Variants in WNT2B observed in about 807,000 individuals in gnomAD.
WNT2B encodes the protein protein Wnt-2b.
Under a neutral mutation model 40.5 loss-of-function variants are expected in WNT2B, and 19 were observed. The observed-to-expected ratio is 0.47, with a 90% CI of 0.33 to 0.69. The LOEUF (loss-of-function observed/expected upper bound fraction) is 0.69. WNT2B is among the 30% of genes least tolerant of loss of function. The probability of loss-of-function intolerance (pLI) is 0.02; values close to 1 mark genes in which losing one functional copy is unlikely to be tolerated. For missense variants in WNT2B, 467 were observed against 556.4 expected, an observed-to-expected ratio of 0.84 and a Z score of 1.62; for synonymous variants, 220 against 211.9, an observed-to-expected ratio of 1.04 and a Z score of -0.33.
At chr1:112,482,525 G>T (rs769202954) in intron 1 of WNT2B, among the ~76,000 whole-genome samples, 24 of 151,948 alleles carry the variant, frequency 1.6e-4, no homozygotes, top group Admixed American at 5.9e-4. Flanking sequence ...TAAAGACAGG[G>T]TCTTGCTATG....
At position 112,515,237 on chromosome 1, in the gene WNT2B, A is replaced by G. The variant is rs1652485068; in HGVS notation, c.403+143A>G. 2 of 1,022,192 alleles carry G rather than the reference A, an allele frequency of 2.0e-6. No individual in the cohort carries two copies. The highest frequency in any genetic ancestry group is 2.8e-6 in the Non-Finnish European group (2 of 704,252). The allele number at this position is 1,022,192 out of a possible 1,614,324, so 63.3% of individuals were successfully genotyped here. On this transcript the variant is annotated intron_variant, in intron 2 of 4. Coordinates refer to ENST00000369684, the MANE Select transcript of WNT2B (RefSeq NM_024494.3). This position sits in a 1 kb window ranked among gnomAD's most constrained non-coding sequence, Gnocchi z 4.4. ...AAGAACTGTGGGCAGAGCCCAGGAT[A>G]TAATTGGGAACAGACTCTTAGCATC... is the stretch of plus-strand genomic sequence containing the variant.
chr1:112,468,881 G>A (rs907797981), intron 1 of WNT2B, among the ~76,000 whole-genome samples: 2 of 152,078 alleles, frequency 1.3e-5, no homozygotes, highest in Admixed American at 6.5e-5. Context: ...TCTTTGCCTA[G>A]ACCAATGCCC....
At chr1:112,487,044 A>G (rs1570770959) in intron 1 of WNT2B, among the ~76,000 whole-genome samples, 1 of 152,348 alleles carries the variant, frequency 6.6e-6, no homozygotes, top group East Asian at 1.9e-4. Context: ...TTTACATGTC[A>G]AAGCCAAAAA....
At position 112,525,335 on chromosome 1, in the gene WNT2B, GA is replaced by G. The variant is rs1335762981; in HGVS notation, c.*4828del. On this transcript the variant is annotated 3_prime_UTR_variant, in exon 5 of 5. Transcript: ENST00000369684. ...GTAAATATATCACAGTTGCTACAGT[GA>G]ATTGAGCTTTCTCAGAAGCTATTAT... 6.6e-6 allele frequency: 1 copy of G among 152,268 alleles called. No individual in the cohort carries two copies. Among genetic ancestry groups the G allele is most frequent in the African/African-American group, 2.4e-5 (1 of 41,446 alleles). 9.4% of individuals were successfully genotyped at this position (152,268 alleles called of 1,614,324 possible). A position where few individuals can be genotyped will look rare whatever the true frequency, so the allele number is the denominator to read the frequency against.
chr1:112,470,108 A>T (rs998494094), intron 1 of WNT2B, among the ~76,000 whole-genome samples: 1 of 152,172 alleles, frequency 6.6e-6, no homozygotes, highest in Admixed American at 6.5e-5. Flanking sequence ...TGATTGCTCA[A>T]TGACCTTTTC....
chr1:112,500,033 G>A (rs1173263009), intron 1 of WNT2B, among the ~76,000 whole-genome samples: 1 of 152,196 alleles, frequency 6.6e-6, no homozygotes, highest in Non-Finnish European at 1.5e-5. Flanking sequence ...AAAAAAGCGA[G>A]GGTATGACGA....
At chr1:112,477,227 G>A (rs1570762594) in intron 1 of WNT2B, among the ~76,000 whole-genome samples, 1 of 152,142 alleles carries the variant, frequency 6.6e-6, no homozygotes, top group Non-Finnish European at 1.5e-5. Context: ...GGCTGCTGAG[G>A]GCCTCCAGAG....
intron 1 of WNT2B, among the ~76,000 whole-genome samples, chr1:112,502,223 C>T (rs1019811594): frequency 1.3e-5 from 2 of 152,178 alleles, no homozygotes; most frequent in African/African-American, 4.8e-5. Context: ...AGCCACCGGG[C>T]TCTCCTCTCA....
Position 112,515,072 on chromosome 1 carries a change from C to A in WNT2B, c.381C>A (p.Val127=). 1 of 1,614,200 alleles carries A rather than the reference C, an allele frequency of 6.2e-7. No individual in the cohort carries two copies. Among genetic ancestry groups the A allele is most frequent in the Non-Finnish European group, 8.5e-7 (1 of 1,180,022 alleles). ...CCACCCTGGACCGGGACCACACCGT[C>A]TTTGGCCGTGTCATGCTCAGAAGTA... The part of the protein sequence containing the change: ...NCTTLDRDHT[V]FGRVMLRSSR... The change falls in exon 2 of 5, where the codon GTC becomes GTA. Residue 127 remains valine (V), a synonymous_variant. Coordinates refer to ENST00000369684, the MANE Select transcript of WNT2B (RefSeq NM_024494.3). This position sits in a 1 kb window ranked among gnomAD's most constrained non-coding sequence, Gnocchi z 4.4.
In WNT2B at chr1:112,517,307, G is replaced by A; in HGVS notation, c.868G>A (p.Gly290Ser). Residue 290 changes from glycine to serine, a missense_variant, in exon 4 of 5, where the codon GGC becomes AGC. By Grantham distance (56) the Gly-to-Ser change is moderately conservative. Transcript: ENST00000369684. ...DGANFTAARQ[G>S]YRRATRTDLV... ...TGCCAACTTCACCGCAGCCCGCCAAGGCTATCGCCGTGCCACCCGGACTGA... is the reference window on the plus strand; with the variant it reads ...TGCCAACTTCACCGCAGCCCGCCAAAGCTATCGCCGTGCCACCCGGACTGA... 1.9e-6 allele frequency: 3 copies of A among 1,614,204 alleles called. No homozygotes were observed. Among genetic ancestry groups the A allele is most frequent in the Non-Finnish European group, 2.5e-6 (3 of 1,180,014 alleles).
rs200972987 is a variant in WNT2B at position 112,516,339 on chromosome 1, C to T, written c.603C>T (p.Ala201=). ...ACTACGGTGTCCGTTTTGCCAAGGC[C>T]TTCGTGGATGCCAAGGAGAAGAGGC... The part of the protein sequence containing the change: ...NIHYGVRFAK[A]FVDAKEKRLK... The change falls in exon 3 of 5, where the codon GCC becomes GCT. Residue 201 remains alanine (A), a synonymous_variant. Transcript: ENST00000369684. 4.1e-4 allele frequency: 659 copies of T among 1,613,898 alleles called. No homozygotes were observed. The highest frequency in any genetic ancestry group is 5.3e-4 in the Non-Finnish European group (628 of 1,180,024).
intron 3 of WNT2B, 68 bp downstream of exon 3, chr1:112,516,485 CTAAA>C (rs1311708708): frequency 1.3e-6 from 2 of 1,541,256 alleles, no homozygotes; most frequent in Non-Finnish European, 1.8e-6. Flanking sequence ...TGACCATGGA[CTAAA>C]TAAATGTGAA....
In WNT2B at chr1:112,515,496, G is replaced by A. The variant is rs987411039; in HGVS notation, c.403+402G>A. ...CAACACTACAGTAATGGGAACAAAA[G>A]ATAAACAGAAAGGTGATATGTAAAT... On this transcript the variant is annotated intron_variant, in intron 2 of 4. Transcript: ENST00000369684. The surrounding 1 kb of genome is among the most constrained non-coding windows in gnomAD (Gnocchi z 4.4). Among the ~76,000 whole-genome samples, 1 of 152,208 alleles carries A rather than the reference G, an allele frequency of 6.6e-6. No individual in the cohort carries two copies. Among genetic ancestry groups the A allele is most frequent in the Non-Finnish European group, 1.5e-5 (1 of 68,046 alleles).
In WNT2B at chr1:112,479,692, T is replaced by C. The variant is rs143449695; in HGVS notation, c.-95+12101T>C. On this transcript the variant is annotated intron_variant, in intron 1 of 4. Coordinates refer to the WNT2B transcript ENST00000256640. ...AAAAGTCTAGTGTTTTTGTAAGCAA[T>C]TGAAGTTAAGTTTTTTTGTTGTTGT... Among the ~76,000 whole-genome samples the C allele has an allele frequency of 2.2e-3, 329 of 152,092 alleles. 1 individual carries two copies. The highest frequency in any genetic ancestry group is 7.3e-3 in the African/African-American group (305 of 41,526).
chr1:112,470,657 G>A (rs1365114488), intron 1 of WNT2B, among the ~76,000 whole-genome samples: 1 of 152,206 alleles, frequency 6.6e-6, no homozygotes, highest in African/African-American at 2.4e-5. Flanking sequence ...CGCTCTCTAT[G>A]CATGAGCCTA....
chr1:112,495,358 C>T (rs1176949862), intron 1 of WNT2B, among the ~76,000 whole-genome samples: 1 of 151,872 alleles, frequency 6.6e-6, no homozygotes, highest in Non-Finnish European at 1.5e-5. Flanking sequence ...GGGCAGATCA[C>T]GAGGTCAGGA....
At position 112,526,251 on chromosome 1, in the gene WNT2B, T is replaced by G; in HGVS notation, c.*5742T>G. Reference sequence around the variant, plus strand: ...ATCAACCAATGGCTCTTTTGCCATTTCTGCCACTATTACCACCAGTACCAT... The same window carrying G: ...ATCAACCAATGGCTCTTTTGCCATTGCTGCCACTATTACCACCAGTACCAT... On this transcript the variant is annotated 3_prime_UTR_variant, in exon 5 of 5. Coordinates refer to ENST00000369684, the MANE Select transcript of WNT2B (RefSeq NM_024494.3). The G allele has an allele frequency of 5.5e-6, 6 of 1,096,772 alleles. No homozygotes were observed. The highest frequency in any genetic ancestry group is 7.8e-6 in the Non-Finnish European group (6 of 765,144). 67.9% of individuals were successfully genotyped at this position (1,096,772 alleles called of 1,614,324 possible). A position where few individuals can be genotyped will look rare whatever the true frequency, so the allele number is the denominator to read the frequency against.
At chr1:112,508,921 G>A, upstream of WNT2B, 11 of 1,118,496 alleles carry the variant, frequency 9.8e-6, no homozygotes, top group East Asian at 5.4e-5. The surrounding 1 kb of genome is among the most constrained non-coding windows in gnomAD (Gnocchi z 4.2). Context: ...CCTCGGCCCC[G>A]CCCCGTCCCG....
chr1:112,477,462 G>A (rs989766102), intron 1 of WNT2B, among the ~76,000 whole-genome samples: 1 of 66,232 alleles, frequency 1.5e-5, no homozygotes, highest in Non-Finnish European at 2.8e-5. Context: ...TCACTACAAG[G>A]CTAAAGAAAC....
Sources: gnomAD v4.1 joint callset for allele counts (sites outside exome capture counted in the v4.1 genomes callset) on GRCh38, gnomAD v4.1.1 for gene constraint, Gnocchi (gnomAD v3.1) non-coding constraint, MANE v1.5 for transcripts, NCBI Gene and HGNC (gene_info 2026-07-23, HGNC 2026-07-21) for gene names.